Variants in GABRB1 observed in about 807,000 individuals in gnomAD.
The protein encoded by GABRB1 is gamma-aminobutyric acid receptor subunit beta-1.
A neutral mutation model predicts 51.6 loss-of-function variants in GABRB1; 17 were observed. The ratio of observed to expected loss-of-function variants is 0.33; its 90% CI spans 0.23 to 0.49. GABRB1 has a LOEUF of 0.49. Ranked by LOEUF, GABRB1 falls within the 20% of genes least tolerant of loss-of-function variation. The probability of loss-of-function intolerance (pLI) is 0.99; values close to 1 mark genes in which losing one functional copy is unlikely to be tolerated. For synonymous variants in GABRB1, 247 were observed against 218.9 expected (o/e 1.13, Z -1.14); for missense variants, 410 against 600.6 (o/e 0.68, Z 3.32).
chr4:47,383,615 G>A (rs1160644243), intron 5 of GABRB1, among the ~76,000 whole-genome samples: 1 of 152,162 alleles, frequency 6.6e-6, no homozygotes, highest in Non-Finnish European at 1.5e-5. Flanking sequence ...ATAACTGAGA[G>A]ATGTGAAGAA....
intron 8 of GABRB1, among the ~76,000 whole-genome samples, chr4:47,407,144 C>A (rs553095430): frequency 3.9e-5 from 6 of 152,242 alleles, no homozygotes; most frequent in African/African-American, 1.4e-4. Flanking sequence ...ACCCCAAGTC[C>A]ATTATTATTT....
At chr4:47,220,939 C>T (rs555604101) in intron 4 of GABRB1, among the ~76,000 whole-genome samples, 5 of 151,978 alleles carry the variant, frequency 3.3e-5, no homozygotes, top group Admixed American at 6.6e-5. Flanking sequence ...CAGTTGTCTA[C>T]GTATCACACT....
At chr4:47,041,565 T>C (rs957006978) in intron 3 of GABRB1, among the ~76,000 whole-genome samples, 1 of 152,070 alleles carries the variant, frequency 6.6e-6, no homozygotes, top group African/African-American at 2.4e-5. Flanking sequence ...TCAGAGAAGT[T>C]GCTAAGAGTG....
chr4:47,052,635 C>T (rs953685476), intron 3 of GABRB1, among the ~76,000 whole-genome samples: 3 of 152,134 alleles, frequency 2.0e-5, no homozygotes, highest in South Asian at 4.1e-4. Context: ...AAGATCAATG[C>T]TGTAAATTTC....
At chr4:47,211,213 C>A (rs1720342106) in intron 4 of GABRB1, among the ~76,000 whole-genome samples, 1 of 152,094 alleles carries the variant, frequency 6.6e-6, no homozygotes, top group African/African-American at 2.4e-5. Flanking sequence ...TTTATGACAT[C>A]CTTATCTACT....
At chr4:47,143,273 A>G (rs1717006832) in intron 3 of GABRB1, among the ~76,000 whole-genome samples, 2 of 152,004 alleles carry the variant, frequency 1.3e-5, no homozygotes, top group Non-Finnish European at 1.5e-5. Flanking sequence ...TGCCACTGAG[A>G]GAGCAATGTC....
At chr4:47,131,309 C>A (rs929740124) in intron 3 of GABRB1, among the ~76,000 whole-genome samples, 25 of 152,250 alleles carry the variant, frequency 1.6e-4, no homozygotes, top group Admixed American at 1.1e-3. Flanking sequence ...CAGGCACGTG[C>A]CACCATACCT....
chr4:47,030,475 T>A (rs1054202039), upstream of GABRB1, among the ~76,000 whole-genome samples: 10 of 152,166 alleles, frequency 6.6e-5, no homozygotes, highest in Non-Finnish European at 1.3e-4. Flanking sequence ...TACAATTCGC[T>A]TTACTTACAC....
In GABRB1 at chr4:47,185,661, T is replaced by C. The variant is rs112501298; in HGVS notation, c.461+24192T>C. Among the ~76,000 whole-genome samples the C allele has an allele frequency of 1.1e-3, 160 of 151,984 alleles. 2 individuals carry two copies. The highest frequency in any genetic ancestry group is 3.3e-3 in the African/African-American group (137 of 41,524). ...CCTATTACCTGTGAAACTTTAAATATTCAATCTCCTAGTGCTTCAGTTTCC... is the reference window on the plus strand; with the variant it reads ...CCTATTACCTGTGAAACTTTAAATACTCAATCTCCTAGTGCTTCAGTTTCC... On this transcript the variant is annotated intron_variant, in intron 4 of 8. Coordinates refer to ENST00000295454, the MANE Select transcript of GABRB1 (RefSeq NM_000812.4).
intron 4 of GABRB1, among the ~76,000 whole-genome samples, chr4:47,317,441 CACTAT>C (rs1204004499): frequency 6.6e-6 from 1 of 151,790 alleles, no homozygotes; most frequent in African/African-American, 2.4e-5. Context: ...GTGTTTGAAT[CACTAT>C]GAGACTAAAA....
chr4:47,130,522 C>T (rs1327805097), intron 3 of GABRB1, among the ~76,000 whole-genome samples: 3 of 152,124 alleles, frequency 2.0e-5, no homozygotes, highest in Non-Finnish European at 4.4e-5. Context: ...TTTATTCTGG[C>T]TCTTCTCAAA....
At chr4:47,328,195 G>T (rs1176121400) in intron 5 of GABRB1, among the ~76,000 whole-genome samples, 2 of 152,004 alleles carry the variant, frequency 1.3e-5, no homozygotes, top group African/African-American at 4.8e-5. Context: ...TGAGTTCATT[G>T]TAGATTCTGG....
At chr4:47,381,199 A>G (rs1263114290) in intron 5 of GABRB1, among the ~76,000 whole-genome samples, 2 of 152,006 alleles carry the variant, frequency 1.3e-5, no homozygotes, top group Admixed American at 6.5e-5. Flanking sequence ...GAGAGTTTCT[A>G]CCTATCATGC....
chr4:47,145,319 G>A (rs1009763456), intron 3 of GABRB1, among the ~76,000 whole-genome samples: 1 of 151,922 alleles, frequency 6.6e-6, no homozygotes, highest in African/African-American at 2.4e-5. Context: ...GATATAAATT[G>A]GTAAACCACA....
chr4:47,298,379 C>T (rs369774658), intron 4 of GABRB1, among the ~76,000 whole-genome samples: 1 of 151,654 alleles, frequency 6.6e-6, no homozygotes, highest in Non-Finnish European at 1.5e-5. Context: ...TGATAAGCAA[C>T]TTCAGCAAAG....
At chr4:47,055,436 T>C (rs1936336832) in intron 3 of GABRB1, among the ~76,000 whole-genome samples, 1 of 152,226 alleles carries the variant, frequency 6.6e-6, no homozygotes, top group African/African-American at 2.4e-5. Context: ...TTACCTGTTT[T>C]AGTGTAGAAG....
At chr4:47,009,160 G>A (rs1018989967) in intron 1 of GABRB1, among the ~76,000 whole-genome samples, 17 of 149,570 alleles carry the variant, frequency 1.1e-4, no homozygotes, top group African/African-American at 3.7e-4. Flanking sequence ...CACCGCGCCC[G>A]GCCAGATACT....
intron 3 of GABRB1, among the ~76,000 whole-genome samples, chr4:47,060,352 G>C (rs909471166): frequency 1.3e-5 from 2 of 152,110 alleles, no homozygotes; most frequent in African/African-American, 4.8e-5. Context: ...AAGTAAAGAG[G>C]TGTCATATGC....
intron 5 of GABRB1, among the ~76,000 whole-genome samples, chr4:47,329,537 AAT>A (rs1324365260): frequency 1.3e-5 from 2 of 148,426 alleles, no homozygotes; most frequent in Non-Finnish European, 3.0e-5. Context: ...TACATTTAGA[AAT>A]ATATATATAT....
Sources: gnomAD v4.1 joint callset for allele counts (sites outside exome capture counted in the v4.1 genomes callset) on GRCh38, gnomAD v4.1.1 for gene constraint, MANE v1.5 for transcripts, NCBI Gene and HGNC (gene_info 2026-07-23, HGNC 2026-07-21) for gene names.